Variants in PARP1 observed in about 807,000 individuals in gnomAD.
PARP1 encodes poly(ADP-ribose) polymerase 1, also known as poly [ADP-ribose] polymerase 1.
A neutral mutation model predicts 118.7 loss-of-function variants in PARP1; 44 were observed. The ratio of observed to expected loss-of-function variants is 0.37; its 90% confidence interval spans 0.29 to 0.48. The LOEUF is 0.48. Among genes scored for constraint, PARP1 ranks in the 20% least tolerant of loss-of-function variants. The probability of loss-of-function intolerance (pLI) is 0.99; values close to 1 mark genes in which losing one functional copy is unlikely to be tolerated. For missense variants in PARP1, 1,100 were observed against 1,272.4 expected (o/e 0.86, Z 2.06); for synonymous variants, 492 against 483.2 (o/e 1.02, Z -0.24).
At chr1:226,380,215 T>G in intron 9 of PARP1, 51 bp from the exon 10 acceptor site, 1 of 1,572,306 alleles carries the variant, frequency 6.4e-7, no homozygotes, top group Non-Finnish European at 8.7e-7. Flanking sequence ...AAAACAAAAC[T>G]GAAACTTCAA....
chr1:226,383,015 C>G, intron 8 of PARP1, 21 bp downstream of exon 8: 1 of 1,612,198 alleles, frequency 6.2e-7, no homozygotes, highest in Non-Finnish European at 8.5e-7. Flanking sequence ...AGCTCTAAGA[C>G]CGGGGTCCCA....
intron 15 of PARP1, 37 bp from the exon 16 acceptor site, chr1:226,368,358 G>A (rs1664314643): frequency 6.2e-7 from 1 of 1,613,636 alleles, no homozygotes; most frequent in African/African-American, 1.3e-5. Flanking sequence ...CAAGACTGAG[G>A]GAGCAGCTCC....
At chr1:226,368,081 G>C (rs1279446238) in intron 16 of PARP1, 118 bp downstream of exon 16, 1 of 1,397,706 alleles carries the variant, frequency 7.2e-7, no homozygotes, top group African/African-American at 1.4e-5. Context: ...ACAAGGGCAA[G>C]AGGGTGGCCC....
rs1664509345 is a variant in PARP1 at position 226,377,195 on chromosome 1, A to G, written c.1854T>C (p.Tyr618=). The change falls in exon 13 of 23, where the codon TAT becomes TAC. Residue 618 remains tyrosine, a synonymous_variant. Transcript: ENST00000366794. ...EDAIEHFMKL[Y]EEKTGNAWHS... is the part of the protein sequence containing the mutation. ...GCCAAGCGTTCCCGGTTTTTTCTTC[A>G]TATAATTTCATGAAGTGCTCAATGG... 4 of 1,614,024 alleles carry G rather than the reference A, an allele frequency of 2.5e-6. No homozygotes were observed. Among genetic ancestry groups the G allele is most frequent in the Middle Eastern group, 1.7e-4 (1 of 6,060 alleles).
intron 21 of PARP1, 59 bp from the exon 22 acceptor site, chr1:226,362,142 A>G (rs1664155552): frequency 7.6e-6 from 7 of 924,092 alleles, no homozygotes; most frequent in East Asian, 2.4e-5. Flanking sequence ...CAAAGCTTCC[A>G]GGGAGATGAG....
intron 13 of PARP1, among the ~76,000 whole-genome samples, chr1:226,375,328 G>A (rs1576394199): frequency 6.6e-6 from 1 of 152,122 alleles, no homozygotes; most frequent in East Asian, 1.9e-4. Flanking sequence ...TTATGACCCA[G>A]TACCTACTTG....
chr1:226,379,862 C>G (rs2271343), intron 10 of PARP1, 60 bp downstream of exon 10: 302,222 of 1,610,914 alleles, frequency 0.19, 31,572 homozygotes, highest in African/African-American at 0.38. Flanking sequence ...CCGTGGACAA[C>G]AACCTGGCCA....
At chr1:226,375,628 T>A (rs1664472772) in intron 13 of PARP1, among the ~76,000 whole-genome samples, 2 of 152,208 alleles carry the variant, frequency 1.3e-5, no homozygotes, top group South Asian at 2.1e-4. Context: ...AAGGGAAATT[T>A]TCTCATTAAT....
At chr1:226,365,894 G>C in intron 18 of PARP1, 60 bp downstream of exon 18, 2 of 1,074,102 alleles carry the variant, frequency 1.9e-6, no homozygotes, top group Non-Finnish European at 2.9e-6. Flanking sequence ...CAGGTTGGAG[G>C]AGTGGGCAGG....
chr1:226,368,882 C>A (rs1342665978), intron 15 of PARP1, among the ~76,000 whole-genome samples: 1 of 152,166 alleles, frequency 6.6e-6, no homozygotes, highest in Non-Finnish European at 1.5e-5. Flanking sequence ...GCAAAGGGTG[C>A]ACAAAAAATG....
chr1:226,372,322 G>A (rs1030012207), intron 14 of PARP1, among the ~76,000 whole-genome samples: 4 of 152,188 alleles, frequency 2.6e-5, no homozygotes, highest in African/African-American at 9.6e-5. Flanking sequence ...AGCAAGCAGC[G>A]CCCCTGTCCC....
chr1:226,405,475 A>T (rs953159789), intron 1 of PARP1, among the ~76,000 whole-genome samples: 1 of 151,952 alleles, frequency 6.6e-6, no homozygotes, highest in Non-Finnish European at 1.5e-5. Context: ...CCCGCTAATC[A>T]TTGCATTTTT....
intron 2 of PARP1, among the ~76,000 whole-genome samples, chr1:226,398,987 TAAAC>T (rs1475060615): frequency 6.6e-6 from 1 of 150,462 alleles, no homozygotes; most frequent in Non-Finnish European, 1.5e-5. Flanking sequence ...GGTCAATGAA[TAAAC>T]AAACTGTGGT....
At chr1:226,385,465 T>C (rs764930485) in intron 7 of PARP1, 39 bp downstream of exon 7, 1 of 1,599,540 alleles carries the variant, frequency 6.3e-7, no homozygotes, top group South Asian at 1.1e-5. Flanking sequence ...GGCCAGGTTT[T>C]TCTCCCAACA....
At chr1:226,365,360 A>G (rs1175930637) in intron 18 of PARP1, among the ~76,000 whole-genome samples, 3 of 152,252 alleles carry the variant, frequency 2.0e-5, no homozygotes, top group Non-Finnish European at 2.9e-5. Flanking sequence ...ATTGCTGGTT[A>G]GTATTACTGT....
At chr1:226,384,593 T>G (rs1002696891) in intron 7 of PARP1, among the ~76,000 whole-genome samples, 1 of 152,262 alleles carries the variant, frequency 6.6e-6, no homozygotes, top group African/African-American at 2.4e-5. Context: ...TAAGGGTCTG[T>G]AAGATTTGCA....
At chr1:226,370,160 A>G (rs952732721) in intron 15 of PARP1, among the ~76,000 whole-genome samples, 1 of 152,120 alleles carries the variant, frequency 6.6e-6, no homozygotes, top group African/African-American at 2.4e-5. Flanking sequence ...CACTTTTAAC[A>G]GAGAGGGTAA....
At chr1:226,401,336 C>T (rs538811045) in intron 2 of PARP1, among the ~76,000 whole-genome samples, 1 of 152,324 alleles carries the variant, frequency 6.6e-6, no homozygotes, top group Admixed American at 6.5e-5. Context: ...ACTGCTCCTG[C>T]AGAGCAGGGC....
rs746859668 is a variant in PARP1 at position 226,390,623 on chromosome 1, C to T, written c.404G>A (p.Gly135Asp). The T allele has an allele frequency of 1.9e-6, 3 of 1,613,812 alleles. No homozygotes were observed. Among genetic ancestry groups the T allele is most frequent in the Non-Finnish European group, 2.5e-6 (3 of 1,179,868 alleles). Reference sequence around the variant, plus strand: ...CATCTTCTTGGACAGGCGCACCTGGCCCTGCAGGAAAAACCATATGTGGTA... The same window carrying T: ...CATCTTCTTGGACAGGCGCACCTGGTCCTGCAGGAAAAACCATATGTGGTA... ...CKGCMEKIEK[G>D]QVRLSKKMVD... Residue 135 changes from glycine (G) to aspartate (D), a missense_variant and splice_region_variant, in exon 4 of 23, where the codon GGC (glycine) becomes GAC (aspartate). This residue lies in a region of PARP1 where 948 missense variants were observed against 1,031.8 expected (regional missense o/e 0.92). Coordinates refer to ENST00000366794, the MANE Select transcript of PARP1 (RefSeq NM_001618.4).
Sources: allele counts gnomAD v4.1 joint callset (sites outside exome capture counted in the v4.1 genomes callset), GRCh38; gene constraint gnomAD v4.1.1; regional missense constraint gnomAD v4.1.1; transcripts MANE v1.5; gene names NCBI Gene and HGNC (gene_info 2026-07-23, HGNC 2026-07-21).